The following ERBB4 variants were observed in gnomAD, a reference collection of about 807,000 sequenced individuals.
ERBB4 encodes the protein receptor tyrosine-protein kinase erbB-4.
Under a neutral mutation model 158.0 loss-of-function variants are expected in ERBB4, and 42 were observed. The observed-to-expected ratio is 0.27, with a 90% CI of 0.21 to 0.34. ERBB4 has a LOEUF of 0.34. Among genes scored for constraint, ERBB4 ranks in the 10% least tolerant of loss-of-function variants. The pLI, the probability that ERBB4 is intolerant of heterozygous loss-of-function variation, is 1.00. For synonymous variants in ERBB4, 583 were observed against 558.7 expected (o/e 1.04, Z -0.61); for missense variants, 1,333 against 1,624.1 (o/e 0.82, Z 3.08).
chr2:211,926,690 G>T (rs2080028758), intron 3 of ERBB4, among the ~76,000 whole-genome samples: 1 of 152,032 alleles, frequency 6.6e-6, no homozygotes, highest in Non-Finnish European at 1.5e-5. Context: ...TTTGTGTTTA[G>T]ATCATCTCTA....
chr2:212,170,653 C>T (rs1231808054), intron 1 of ERBB4, among the ~76,000 whole-genome samples: 1 of 152,100 alleles, frequency 6.6e-6, no homozygotes, highest in South Asian at 2.1e-4. Flanking sequence ...GGACTTGGTG[C>T]CCTGTGTCCC....
At chr2:212,235,778 T>C (rs1189067317) in intron 1 of ERBB4, among the ~76,000 whole-genome samples, 3 of 152,320 alleles carry the variant, frequency 2.0e-5, no homozygotes, top group South Asian at 2.1e-4. Context: ...TTGTCTATTA[T>C]TGTTTTATAG....
rs903111443 is a variant in ERBB4 at position 211,549,637 on chromosome 2, C to T, written c.2487+12266G>A. On this transcript the variant is annotated intron_variant, in intron 20 of 27. Transcript: ENST00000342788. The stretch of plus-strand genomic sequence containing the variant: ...TGATAGAAAGTCTATACCTCTGACA[C>T]GTAAGTGAGCCCAGGCAAAATCCCA... Among the ~76,000 whole-genome samples, 16 of 152,226 alleles carry T rather than the reference C, an allele frequency of 1.1e-4. No homozygotes were observed. The South Asian group carries it at 1.2e-3, about 12-fold the overall frequency.
intron 4 of ERBB4, among the ~76,000 whole-genome samples, chr2:211,782,436 TCA>T (rs542279301): frequency 0.021 from 418 of 19,630 alleles, 2 homozygotes; most frequent in African/African-American, 0.19. Context: ...AGCTGTCAGC[TCA>T]GCTCAGCTCA....
intron 14 of ERBB4, among the ~76,000 whole-genome samples, chr2:211,666,413 A>C (rs1453941665): frequency 6.6e-6 from 1 of 152,178 alleles, no homozygotes; most frequent in Non-Finnish European, 1.5e-5. Flanking sequence ...TTAACTTTCT[A>C]ATATGTGGAA....
intron 1 of ERBB4, among the ~76,000 whole-genome samples, chr2:212,261,180 C>G (rs1414140789): frequency 6.6e-6 from 1 of 152,138 alleles, no homozygotes; most frequent in Non-Finnish European, 1.5e-5. Flanking sequence ...ATCAAAATAT[C>G]TGGAACATTT....
At chr2:211,748,622 G>T (rs1266500385) in intron 5 of ERBB4, among the ~76,000 whole-genome samples, 1 of 152,220 alleles carries the variant, frequency 6.6e-6, no homozygotes, top group Non-Finnish European at 1.5e-5. Flanking sequence ...GAGACAGGGT[G>T]TGGTTGGGCC....
At chr2:211,450,270 G>A (rs955212502) in intron 20 of ERBB4, among the ~76,000 whole-genome samples, 1 of 152,102 alleles carries the variant, frequency 6.6e-6, no homozygotes, top group Non-Finnish European at 1.5e-5. Flanking sequence ...GGGCAAACCT[G>A]CAGGATCTTG....
chr2:211,801,238 T>C (rs1422100832), intron 3 of ERBB4, among the ~76,000 whole-genome samples: 1 of 152,260 alleles, frequency 6.6e-6, no homozygotes, highest in African/African-American at 2.4e-5. Context: ...TGGATTCATA[T>C]GATGGGGAAA....
chr2:211,526,792 C>A lies in ERBB4; in HGVS notation c.2487+35111G>T, dbSNP rs567205783. 2.0e-5 allele frequency among the ~76,000 whole-genome samples: 3 copies of A among 151,990 alleles called. No homozygotes were observed. In the East Asian group the frequency reaches 5.8e-4, roughly 29 times the overall value. On this transcript the variant is annotated intron_variant, in intron 20 of 27. Coordinates refer to ENST00000342788, the MANE Select transcript of ERBB4 (RefSeq NM_005235.3). ...GCAGAAATTCTGAAGTTGAAAAATG[C>A]AATTGACATACTGAAGAATGCATCA...
chr2:212,092,721 G>C (rs79993935), intron 2 of ERBB4, among the ~76,000 whole-genome samples: 19,560 of 152,042 alleles, frequency 0.13, 1,556 homozygotes, highest in African/African-American at 0.22. Flanking sequence ...GTAATTTTAG[G>C]ATATTGTAGT....
At chr2:212,399,545 C>CATATATATATATATATAT (rs869111881) in intron 1 of ERBB4, among the ~76,000 whole-genome samples, 13 of 38,070 alleles carry the variant, frequency 3.4e-4, no homozygotes, top group Admixed American at 1.0e-3. Context: ...TTTATATATA[C>CATATATATATATATATAT]ATATATATAT....
chr2:211,938,208 C>T (rs1358505009), intron 3 of ERBB4, among the ~76,000 whole-genome samples: 4 of 152,088 alleles, frequency 2.6e-5, no homozygotes, highest in African/African-American at 9.7e-5. Flanking sequence ...ATTTAATGTT[C>T]AATATGTACT....
intron 2 of ERBB4, among the ~76,000 whole-genome samples, chr2:212,004,687 A>G (rs2076219326): frequency 6.6e-6 from 1 of 152,282 alleles, no homozygotes; most frequent in Non-Finnish European, 1.5e-5. Flanking sequence ...CCATGGGAGA[A>G]AGACTCTGGT....
chr2:212,491,269 T>C (rs1251022406), intron 1 of ERBB4, among the ~76,000 whole-genome samples: 1 of 151,678 alleles, frequency 6.6e-6, no homozygotes, highest in Non-Finnish European at 1.5e-5. Flanking sequence ...GTATAAACTT[T>C]TTAAAAAAGC....
intron 19 of ERBB4, among the ~76,000 whole-genome samples, chr2:211,607,865 ATTTTTT>A (rs1553589856): frequency 1.3e-5 from 1 of 74,204 alleles, no homozygotes; most frequent in African/African-American, 4.0e-5. Context: ...TTCGCATCAG[ATTTTTT>A]TTTTTTTTTT....
intron 14 of ERBB4, among the ~76,000 whole-genome samples, chr2:211,667,127 T>C (rs1176648036): frequency 6.6e-6 from 1 of 150,774 alleles, no homozygotes; most frequent in Non-Finnish European, 1.5e-5. Context: ...AAACTCATAG[T>C]GTTTTAAGAA....
chr2:212,371,949 C>A (rs554057565), intron 1 of ERBB4, among the ~76,000 whole-genome samples: 1 of 152,206 alleles, frequency 6.6e-6, no homozygotes, highest in East Asian at 1.9e-4. Flanking sequence ...AAATATTTTT[C>A]TACTTTGTAA....
intron 20 of ERBB4, among the ~76,000 whole-genome samples, chr2:211,515,373 G>T (rs1024640364): frequency 2.0e-5 from 3 of 152,034 alleles, no homozygotes; most frequent in Non-Finnish European, 4.4e-5. Context: ...GTTTAAAGGT[G>T]ATAAGGAAGA....
Sources: allele counts gnomAD v4.1 joint callset (sites outside exome capture counted in the v4.1 genomes callset), GRCh38; gene constraint gnomAD v4.1.1; transcripts MANE v1.5; gene names NCBI Gene and HGNC (gene_info 2026-07-23, HGNC 2026-07-21).